FOXK2: variants seen among roughly 807,000 people sequenced by gnomAD.
The protein encoded by FOXK2 is forkhead box K2.
In FOXK2, 24 loss-of-function variants were observed where a neutral mutation model predicts 53.3. That is an observed-to-expected ratio of 0.45 (90% CI 0.33 to 0.63). The LOEUF (loss-of-function observed/expected upper bound fraction) is 0.63, where lower values mean the gene tolerates loss of function less well. Among genes scored for constraint, FOXK2 ranks in the 30% least tolerant of loss-of-function variants. FOXK2 has a pLI of 0.03. For synonymous variants in FOXK2, 505 were observed against 407.1 expected, an observed-to-expected ratio of 1.24 and a Z score of -2.89; for missense variants, 952 against 910.5, an observed-to-expected ratio of 1.05 and a Z score of -0.59.
In FOXK2 at chr17:82,520,006, C is replaced by T; in HGVS notation, c.118C>T (p.Leu40=). 2 of 1,463,354 alleles carry T rather than the reference C, an allele frequency of 1.4e-6. No individual in the cohort carries two copies. The highest frequency in any genetic ancestry group is 9.1e-7 in the Non-Finnish European group (1 of 1,103,822). The allele number at this position is 1,463,354 out of a possible 1,614,324, so 90.6% of individuals were successfully genotyped here. A position where few individuals can be genotyped will look rare whatever the true frequency, so the allele number is the denominator to read the frequency against. The stretch of plus-strand genomic sequence containing the variant: ...GCCGGGCGGCTGGGCCGTGGCGCGC[C>T]TGGAGGGCCGCGAGTTCGAGTATCT... The part of the protein sequence containing the change: ...SPPGGWAVAR[L]EGREFEYLMK... The change falls in exon 1 of 9, where the codon CTG becomes TTG. Residue 40 remains leucine (L), a synonymous_variant. Coordinates refer to ENST00000335255, the MANE Select transcript of FOXK2 (RefSeq NM_004514.4).
intron 1 of FOXK2, among the ~76,000 whole-genome samples, chr17:82,522,794 A>G (rs1365094302): frequency 6.6e-6 from 1 of 152,062 alleles, no homozygotes. Context: ...TGAGGGCCAG[A>G]ATTCAGACCT....
chr17:82,601,344 G>T lies in FOXK2; in HGVS notation c.1828G>T (p.Ala610Ser), dbSNP rs995177604. 1 of 1,613,252 alleles carries T rather than the reference G, an allele frequency of 6.2e-7. No individual in the cohort carries two copies. The highest frequency in any genetic ancestry group is 8.5e-7 in the Non-Finnish European group (1 of 1,180,020). ...GCACATGTTGGCAACACACGCATCC[G>T]CATCGGCCTCCCTGCCCACAAAGCG... Reference protein sequence around the residue: ...PLHMLATHASASASLPTKRHN... With the variant: ...PLHMLATHASSSASLPTKRHN... Residue 610 changes from alanine (A) to serine (S), a missense_variant, in exon 9 of 9, where the codon GCA becomes TCA. Ala to Ser is a moderately conservative substitution (Grantham distance 99, BLOSUM62 1). This residue lies in a region of FOXK2 where 551 missense variants were observed against 385.1 expected (regional missense o/e 1.43). Transcript: ENST00000335255.
At chr17:82,585,592 G>T (rs902160888) in intron 6 of FOXK2, among the ~76,000 whole-genome samples, 1 of 152,116 alleles carries the variant, frequency 6.6e-6, no homozygotes, top group Admixed American at 6.5e-5. Flanking sequence ...GAGCCACTGC[G>T]CCCGGCCCAG....
intron 1 of FOXK2, among the ~76,000 whole-genome samples, chr17:82,550,754 C>A (rs1000514149): frequency 6.6e-6 from 1 of 152,192 alleles, no homozygotes; most frequent in African/African-American, 2.4e-5. Flanking sequence ...ATCCGCCTGC[C>A]TCAGCCTCCC....
intron 4 of FOXK2, among the ~76,000 whole-genome samples, chr17:82,573,691 G>C (rs1368210707): frequency 6.6e-6 from 1 of 152,188 alleles, no homozygotes; most frequent in African/African-American, 2.4e-5. Context: ...AGCTTGCTCT[G>C]TGGGAGTGTG....
chr17:82,601,076 G>T (rs1477502998), intron 8 of FOXK2: 2 of 486,052 alleles, frequency 4.1e-6, no homozygotes, highest in Non-Finnish European at 7.3e-6. Context: ...GTTTTTTGGG[G>T]TCCCAAGGGC....
intron 8 of FOXK2, chr17:82,599,575 G>A (rs960934449): frequency 6.6e-6 from 1 of 152,256 alleles, no homozygotes; most frequent in African/African-American, 2.4e-5. Flanking sequence ...CTAAAACGGG[G>A]CTCTCACGGC....
At chr17:82,524,433 G>A (rs1453338287) in intron 1 of FOXK2, among the ~76,000 whole-genome samples, 3 of 152,172 alleles carry the variant, frequency 2.0e-5, no homozygotes, top group Non-Finnish European at 2.9e-5. Context: ...AAATAATAAT[G>A]TATTAATGTG....
chr17:82,544,386 G>A (rs1481892577), intron 1 of FOXK2, among the ~76,000 whole-genome samples: 1 of 151,974 alleles, frequency 6.6e-6, no homozygotes, highest in Non-Finnish European at 1.5e-5. Flanking sequence ...TAGAATATTT[G>A]TGGAGAAAGT....
At chr17:82,595,945 T>C in intron 8 of FOXK2, 1 of 1,250,562 alleles carries the variant, frequency 8.0e-7, no homozygotes, top group Non-Finnish European at 1.0e-6. Flanking sequence ...GGTGGAAGGT[T>C]GTCCAGAGAC....
At chr17:82,555,029 G>A (rs377422879) in intron 1 of FOXK2, among the ~76,000 whole-genome samples, 1 of 152,180 alleles carries the variant, frequency 6.6e-6, no homozygotes, top group South Asian at 2.1e-4. Flanking sequence ...GATTACAGGC[G>A]TGAGCCACTG....
intron 1 of FOXK2, among the ~76,000 whole-genome samples, chr17:82,552,146 A>C (rs2044683294): frequency 6.6e-6 from 1 of 152,264 alleles, no homozygotes; most frequent in Admixed American, 6.5e-5. Flanking sequence ...CCACAGGCCT[A>C]GACTAGTGTT....
At chr17:82,562,176 C>G (rs2044802963) in intron 1 of FOXK2, among the ~76,000 whole-genome samples, 1 of 152,218 alleles carries the variant, frequency 6.6e-6, no homozygotes, top group South Asian at 2.1e-4. Flanking sequence ...AAGGAAGCTA[C>G]ATGAAGTGTG....
intron 1 of FOXK2, among the ~76,000 whole-genome samples, chr17:82,527,777 T>A (rs1364800720): frequency 6.6e-6 from 1 of 152,220 alleles, no homozygotes; most frequent in Non-Finnish European, 1.5e-5. Context: ...TAGTGTTTAG[T>A]ACTTCTTCCA....
chr17:82,531,931 C>T (rs937425028), intron 1 of FOXK2, among the ~76,000 whole-genome samples: 2 of 152,118 alleles, frequency 1.3e-5, no homozygotes, highest in Non-Finnish European at 2.9e-5. Context: ...ACGTCTGCCT[C>T]CCAGGTTCAA....
chr17:82,594,391 G>C (rs987534547), intron 8 of FOXK2, among the ~76,000 whole-genome samples: 1 of 152,066 alleles, frequency 6.6e-6, no homozygotes, highest in East Asian at 1.9e-4. Flanking sequence ...CCAGCTATTC[G>C]GGAGGCTGAG....
chr17:82,594,197 G>A (rs141205637), intron 8 of FOXK2, among the ~76,000 whole-genome samples: 110 of 152,268 alleles, frequency 7.2e-4, no homozygotes, highest in African/African-American at 2.5e-3. Flanking sequence ...AAAGTTGGCC[G>A]CTAAGAAATG....
intron 3 of FOXK2, among the ~76,000 whole-genome samples, chr17:82,569,241 A>G (rs902655850): frequency 1.4e-4 from 22 of 152,342 alleles, no homozygotes; most frequent in African/African-American, 5.1e-4. Flanking sequence ...AGCCATGAGA[A>G]TGAATAAGCC....
At chr17:82,594,045 G>T (rs1468599045) in intron 8 of FOXK2, 1 of 152,300 alleles carries the variant, frequency 6.6e-6, no homozygotes, top group Admixed American at 6.5e-5. Context: ...TCTCGTGTCT[G>T]AGCTGCTCCG....
Sources: allele counts gnomAD v4.1 joint callset (sites outside exome capture counted in the v4.1 genomes callset), GRCh38; gene constraint gnomAD v4.1.1; regional missense constraint gnomAD v4.1.1; transcripts MANE v1.5; gene names NCBI Gene and HGNC (gene_info 2026-07-23, HGNC 2026-07-21).